Variants in RIMS2 observed in about 807,000 individuals in gnomAD.
The protein encoded by RIMS2 is regulating synaptic membrane exocytosis 2, also known as regulating synaptic membrane exocytosis protein 2.
RIMS2 carries 59 observed loss-of-function variants against 174.4 expected under a neutral mutation model. That is an observed-to-expected ratio of 0.34 (90% CI 0.27 to 0.42). RIMS2 has a LOEUF of 0.42. Ranked by LOEUF, RIMS2 falls within the 10% of genes least tolerant of loss-of-function variation. The pLI, the probability that RIMS2 is intolerant of heterozygous loss-of-function variation, is 1.00. For missense variants in RIMS2, 1,620 were observed against 1,666.3 expected, an observed-to-expected ratio of 0.97 and a Z score of 0.48; for synonymous variants, 606 against 572.5, an observed-to-expected ratio of 1.06 and a Z score of -0.84.
chr8:104,042,050 C>T (rs971712463), intron 19 of RIMS2, among the ~76,000 whole-genome samples: 14 of 151,234 alleles, frequency 9.3e-5, no homozygotes, highest in Non-Finnish European at 1.6e-4. Flanking sequence ...TCCTTGCAGG[C>T]GTTTCCTAGT....
intron 3 of RIMS2, among the ~76,000 whole-genome samples, chr8:103,814,477 G>A (rs1338241154): frequency 6.6e-6 from 1 of 151,858 alleles, no homozygotes; most frequent in Non-Finnish European, 1.5e-5. Context: ...TTTTGAGGAT[G>A]ATGTAAAGAA....
At chr8:103,812,953 T>C (rs755169128) in intron 3 of RIMS2, among the ~76,000 whole-genome samples, 4 of 152,196 alleles carry the variant, frequency 2.6e-5, no homozygotes, top group Non-Finnish European at 5.9e-5. Flanking sequence ...ACAAGAATAA[T>C]GCAATGGAAG....
chr8:103,548,394 CAG>C (rs1846070865), intron 1 of RIMS2, among the ~76,000 whole-genome samples: 1 of 152,134 alleles, frequency 6.6e-6, no homozygotes. Context: ...ACCACATAAA[CAG>C]AATTCACCAC....
intron 17 of RIMS2, among the ~76,000 whole-genome samples, chr8:103,999,039 A>G (rs1228699270): frequency 1.3e-5 from 2 of 151,686 alleles, no homozygotes; most frequent in East Asian, 3.9e-4. Context: ...TGAGCCAGTG[A>G]CAACATTTGA....
chr8:104,011,626 A>G (rs2095764781), intron 17 of RIMS2, among the ~76,000 whole-genome samples: 1 of 152,066 alleles, frequency 6.6e-6, no homozygotes, highest in African/African-American at 2.4e-5. Context: ...ATATCCTAAC[A>G]TTTACTCCAC....
At chr8:104,025,323 C>CA (rs1474813267) in intron 19 of RIMS2, among the ~76,000 whole-genome samples, 4 of 151,846 alleles carry the variant, frequency 2.6e-5, no homozygotes, top group Admixed American at 6.6e-5. Context: ...CTACCAAAAA[C>CA]AAAAAAATTT....
chr8:104,016,375 G>A (rs765613634), intron 19 of RIMS2, among the ~76,000 whole-genome samples: 3 of 151,814 alleles, frequency 2.0e-5, no homozygotes, highest in African/African-American at 7.3e-5. Flanking sequence ...TGCTGCATTC[G>A]AGCAGCAATA....
chr8:103,930,015 T>G (rs2079585418), intron 11 of RIMS2, among the ~76,000 whole-genome samples: 1 of 151,982 alleles, frequency 6.6e-6, no homozygotes, highest in Non-Finnish European at 1.5e-5. Flanking sequence ...AACTTTATAA[T>G]AAATAAGTGA....
intron 19 of RIMS2, among the ~76,000 whole-genome samples, chr8:104,073,768 C>G (rs1186799262): frequency 6.6e-6 from 1 of 152,140 alleles, no homozygotes; most frequent in Non-Finnish European, 1.5e-5. Flanking sequence ...TCACCTATAT[C>G]CTGTCGCTTT....
At chr8:103,886,345 A>G (rs2154520064) in intron 4 of RIMS2, 122 bp downstream of exon 7, 2 of 794,370 alleles carry the variant, frequency 2.5e-6, no homozygotes, top group South Asian at 1.9e-5. Context: ...AAGTCTTTTA[A>G]TGGCATCGAA....
intron 1 of RIMS2, among the ~76,000 whole-genome samples, chr8:103,532,099 A>T (rs1837459011): frequency 1.3e-5 from 2 of 152,250 alleles, no homozygotes; most frequent in African/African-American, 4.8e-5. Context: ...AGCCAGGCAT[A>T]GCTGAAGGAA....
At chr8:103,831,087 G>A (rs558763155) in intron 3 of RIMS2, among the ~76,000 whole-genome samples, 1 of 152,286 alleles carries the variant, frequency 6.6e-6, no homozygotes, top group East Asian at 1.9e-4. Flanking sequence ...GGGATTACAG[G>A]CATCAGCCAT....
intron 7 of RIMS2, among the ~76,000 whole-genome samples, chr8:103,915,832 A>G (rs1344343217): frequency 6.6e-6 from 1 of 151,958 alleles, no homozygotes; most frequent in East Asian, 1.9e-4. Flanking sequence ...TGTATCTAAT[A>G]TTAACCTGTT....
Position 104,157,695 on chromosome 8 carries a change from A to C in RIMS2, c.3335-87221A>C, listed in dbSNP as rs191794124. 3.3e-5 allele frequency among the ~76,000 whole-genome samples: 5 copies of C among 152,288 alleles called. No homozygotes were observed. In the East Asian group the frequency reaches 9.6e-4, roughly 29 times the overall value. ...CCATTGTGTGTATGTACATGTATAC[A>C]CCACATTTTGTTTATCCATTCATCT... On this transcript the variant is annotated intron_variant, in intron 19 of 23. Coordinates refer to ENST00000504942, the Ensembl canonical transcript of RIMS2.
At chr8:104,142,953 C>G (rs1389984901) in intron 19 of RIMS2, among the ~76,000 whole-genome samples, 1 of 152,054 alleles carries the variant, frequency 6.6e-6, no homozygotes, top group Admixed American at 6.6e-5. Flanking sequence ...CTCCAGAAGT[C>G]AAAGAATTAG....
intron 3 of RIMS2, among the ~76,000 whole-genome samples, chr8:103,782,052 C>T (rs913670136): frequency 6.6e-6 from 1 of 151,480 alleles, no homozygotes; most frequent in Admixed American, 6.6e-5. Context: ...GTGGCCTTAT[C>T]TCCCCTATTC....
At chr8:103,982,675 A>G (rs1339125851) in intron 16 of RIMS2, among the ~76,000 whole-genome samples, 2 of 152,176 alleles carry the variant, frequency 1.3e-5, no homozygotes, top group East Asian at 1.9e-4. Flanking sequence ...ATTGTTTCTG[A>G]AAAAGCATTT....
chr8:103,828,464 T>A (rs923030811), intron 3 of RIMS2, among the ~76,000 whole-genome samples: 1 of 152,210 alleles, frequency 6.6e-6, no homozygotes, highest in Admixed American at 6.5e-5. Flanking sequence ...TTTAAGTTCC[T>A]TATAGATTCT....
rs530766811 is a variant in RIMS2 at position 103,602,279 on chromosome 8, G to T, written c.177-94807G>T. Among the ~76,000 whole-genome samples the T allele has an allele frequency of 2.0e-5, 3 of 152,136 alleles. No homozygotes were observed. The South Asian group carries it at 6.2e-4, about 32-fold the overall frequency. On this transcript the variant is annotated intron_variant, in intron 1 of 23. Transcript: ENST00000504942. ...TGGGATTACAGGCATGAGCCACCAC[G>T]CCTGATCCATGCTTTTTTAAAGTTA...
Sources: gnomAD v4.1 joint callset for allele counts (sites outside exome capture counted in the v4.1 genomes callset) on GRCh38, gnomAD v4.1.1 for gene constraint, MANE v1.5 for transcripts, NCBI Gene and HGNC (gene_info 2026-07-23, HGNC 2026-07-21) for gene names.